The following ACOX3 variants were observed in gnomAD, a reference collection of about 807,000 sequenced individuals.
The protein encoded by ACOX3 is peroxisomal acyl-coenzyme A oxidase 3.
In ACOX3, 73 loss-of-function variants were observed where a neutral mutation model predicts 81.5. That is an observed-to-expected ratio of 0.90 (90% confidence interval 0.74 to 1.09). The LOEUF (loss-of-function observed/expected upper bound fraction) is 1.09. Among genes scored for constraint, ACOX3 ranks in the 50% least tolerant of loss-of-function variants. The probability of loss-of-function intolerance (pLI) is 0.00; values close to 1 mark genes in which losing one functional copy is unlikely to be tolerated. For synonymous variants in ACOX3, 387 were observed against 375.1 expected (o/e 1.03, Z -0.37); for missense variants, 947 against 928.0 (o/e 1.02, Z -0.27).
intron 10 of ACOX3, among the ~76,000 whole-genome samples, chr4:8,393,552 T>C (rs565701006): frequency 5.0e-4 from 74 of 148,344 alleles, no homozygotes; most frequent in African/African-American, 1.9e-3. Context: ...AAAGAAGAAT[T>C]TTTAATTTTA....
chr4:8,402,218 GC>G (rs1720448233), intron 7 of ACOX3, among the ~76,000 whole-genome samples: 1 of 152,242 alleles, frequency 6.6e-6, no homozygotes, highest in Admixed American at 6.5e-5. Context: ...CGGGGCTGGA[GC>G]TCCTTAGGGA....
chr4:8,396,155 C>T (rs1404332507), intron 9 of ACOX3, among the ~76,000 whole-genome samples: 1 of 152,132 alleles, frequency 6.6e-6, no homozygotes, highest in Admixed American at 6.5e-5. Flanking sequence ...ACGTGTAGGG[C>T]CAACGCTCTG....
chr4:8,427,334 T>C (rs1341203124), intron 1 of ACOX3, among the ~76,000 whole-genome samples: 1 of 152,206 alleles, frequency 6.6e-6, no homozygotes, highest in African/African-American at 2.4e-5. Context: ...TTCACGATAT[T>C]AAATCTTGCA....
chr4:8,406,039 C>G lies in ACOX3; in HGVS notation c.692G>C (p.Arg231Pro), dbSNP rs567967145. The part of the protein sequence containing the change: ...HGLHPFIVQI[R>P]DPKTLLPMPG... ...CATGGGAAGAAGGGTCTTCGGGTCC[C>G]GGATCTATACAAAGCCACAGAAAGC... Residue 231 changes from arginine (R) to proline (P), a missense_variant, in exon 7 of 18, where the codon CGG (arginine) becomes CCG (proline). By Grantham distance (103) the Arg-to-Pro change is moderately radical. Coordinates refer to ENST00000356406, the MANE Select transcript of ACOX3 (RefSeq NM_003501.3). This position sits in a 1 kb window ranked among gnomAD's most constrained non-coding sequence, Gnocchi z 5.6. 6 of 1,613,950 alleles carry G rather than the reference C, an allele frequency of 3.7e-6. No homozygotes were observed. In the East Asian group the frequency reaches 1.1e-4, roughly 30 times the overall value.
chr4:8,409,891 G>A, intron 6 of ACOX3, among the ~76,000 whole-genome samples: 1 of 151,072 alleles, frequency 6.6e-6, no homozygotes, highest in East Asian at 1.9e-4. Context: ...ACTGTGGGCG[G>A]GGCTGTAGGA....
intron 16 of ACOX3, among the ~76,000 whole-genome samples, chr4:8,372,374 A>G (rs1238243358): frequency 6.6e-6 from 1 of 152,162 alleles, no homozygotes; most frequent in African/African-American, 2.4e-5. Context: ...TGCTGGGATT[A>G]CAGGAATGAG....
rs776945521 is a variant in ACOX3, at chr4:8,392,457, TG to T, written c.1180-5del. ...GGATCTCACGTCCAAGCTCTGCCTT[TG>T]GGTGAGGGAATCCAACAAGAACAGG... On this transcript the variant is annotated splice_polypyrimidine_tract_variant and splice_region_variant and intron_variant, in intron 10 of 17. Coordinates refer to ENST00000356406, the MANE Select transcript of ACOX3 (RefSeq NM_003501.3). 6.4e-7 allele frequency: 1 copy of T among 1,563,404 alleles called. No individual in the cohort carries two copies. The highest frequency in any genetic ancestry group is 1.2e-5 in the South Asian group (1 of 83,912).
rs762266346 is a variant in ACOX3, at chr4:8,396,989, T to C, written c.1004A>G (p.Gln335Arg). The part of the protein sequence containing the change: ...IALRFSATRR[Q>R]FGPTEEEEIP... ...TTCCTCCTCCTCTGTGGGTCCAAAC[T>C]GACGCCGAGTGGCTGAGAAGCGAAG... is the stretch of plus-strand genomic sequence containing the variant. Residue 335 changes from glutamine to arginine, a missense_variant, in exon 9 of 18, where the codon CAG becomes CGG. Physicochemically the swap from Gln to Arg is conservative, Grantham distance 43. Transcript: ENST00000356406. 6.2e-7 allele frequency: 1 copy of C among 1,611,934 alleles called. No individual in the cohort carries two copies. Among genetic ancestry groups the C allele is most frequent in the Admixed American group, 1.7e-5 (1 of 59,548 alleles).
intron 8 of ACOX3, among the ~76,000 whole-genome samples, chr4:8,397,641 GCGGCGT>G (rs1719867298): frequency 6.6e-6 from 1 of 152,328 alleles, no homozygotes; most frequent in Admixed American, 6.5e-5. Context: ...GCACGCATCA[GCGGCGT>G]CAGCAGAGGC....
chr4:8,399,887 C>A lies in ACOX3; in HGVS notation c.777-235G>T, dbSNP rs575638441. The stretch of plus-strand genomic sequence containing the variant: ...GACTGAGGCAGGAGGATTGCTTGAG[C>A]CCAGGAGTTTGAGACCAGCCTGGGC... On this transcript the variant is annotated intron_variant, in intron 7 of 17. Coordinates refer to ENST00000356406, the MANE Select transcript of ACOX3 (RefSeq NM_003501.3). This position sits in a 1 kb window ranked among gnomAD's most constrained non-coding sequence, Gnocchi z 4.9. 6.6e-6 allele frequency among the ~76,000 whole-genome samples: 1 copy of A among 152,254 alleles called. No individual in the cohort carries two copies. Among genetic ancestry groups the A allele is most frequent in the South Asian group, 2.1e-4 (1 of 4,812 alleles).
rs1355998456 is a variant in ACOX3, at chr4:8,370,421, C to A, written c.1983+487G>T. On this transcript the variant is annotated intron_variant, in intron 17 of 17. Coordinates refer to ENST00000356406, the MANE Select transcript of ACOX3 (RefSeq NM_003501.3). This position sits in a 1 kb window ranked among gnomAD's most constrained non-coding sequence, Gnocchi z 6.3. ...GGGCAGGAGGAGAGCTGAGGAGCCA[C>A]AGGGAGGCGGTTGGGGGAAAGCGGG... Among the ~76,000 whole-genome samples the A allele has an allele frequency of 2.0e-5, 3 of 151,732 alleles. No individual in the cohort carries two copies. The highest frequency in any genetic ancestry group is 4.8e-5 in the African/African-American group (2 of 41,376).
downstream of ACOX3, among the ~76,000 whole-genome samples, chr4:8,365,365 G>A (rs547063092): frequency 1.2e-4 from 18 of 152,258 alleles, no homozygotes; most frequent in Non-Finnish European, 2.4e-4. Flanking sequence ...CGAAGAGTTT[G>A]TTTAAACCCA....
At chr4:8,373,182 G>A (rs934530529) in intron 16 of ACOX3, among the ~76,000 whole-genome samples, 3 of 152,180 alleles carry the variant, frequency 2.0e-5, no homozygotes, top group African/African-American at 7.2e-5. Context: ...TGTGTGAGAG[G>A]GCCTGGGTGT....
In ACOX3 at chr4:8,399,346, C is replaced by T. The variant is rs1167283246; in HGVS notation, c.873+210G>A. Among the ~76,000 whole-genome samples the T allele has an allele frequency of 1.3e-5, 2 of 152,196 alleles. 1 individual carries two copies. Among genetic ancestry groups the T allele is most frequent in the African/African-American group, 4.8e-5 (2 of 41,442 alleles). On this transcript the variant is annotated intron_variant, in intron 8 of 17. Transcript: ENST00000356406. This position sits in a 1 kb window ranked among gnomAD's most constrained non-coding sequence, Gnocchi z 4.9. ...GGGCATTGTAAGGCCCGGACTCACC[C>T]CCTGGACACCAGCACCTGGTGCTGT...
chr4:8,376,380 T>C (rs570245135), intron 14 of ACOX3, among the ~76,000 whole-genome samples: 1 of 149,996 alleles, frequency 6.7e-6, no homozygotes, highest in African/African-American at 2.5e-5. Context: ...AGTGATGAAA[T>C]ATGGTGTATG....
intron 1 of ACOX3, among the ~76,000 whole-genome samples, chr4:8,425,515 G>A (rs1335918461): frequency 6.6e-6 from 1 of 151,326 alleles, no homozygotes; most frequent in African/African-American, 2.4e-5. Context: ...ATTATTAACT[G>A]GATCAGGACT....
intron 11 of ACOX3, among the ~76,000 whole-genome samples, chr4:8,390,726 C>G (rs971829322): frequency 1.3e-5 from 2 of 152,202 alleles, no homozygotes; most frequent in African/African-American, 2.4e-5. Context: ...GGGAGTGGAG[C>G]TGACTTCTCA....
chr4:8,415,754 C>A lies in ACOX3; in HGVS notation c.378+12G>T, dbSNP rs552513529. 6.2e-7 allele frequency: 1 copy of A among 1,611,922 alleles called. No individual in the cohort carries two copies. The highest frequency in any genetic ancestry group is 1.3e-5 in the African/African-American group (1 of 75,016). On this transcript the variant is annotated intron_variant, in intron 3 of 17. Coordinates refer to ENST00000356406, the MANE Select transcript of ACOX3 (RefSeq NM_003501.3). Reference sequence around the variant, plus strand: ...GAAAGCCGTTTCCCTCTCCCCTAGGCCGCATGCTCACCAAGCTATGGAGGA... The same window carrying A: ...GAAAGCCGTTTCCCTCTCCCCTAGGACGCATGCTCACCAAGCTATGGAGGA...
chr4:8,404,435 CTTT>C (rs370622347), intron 7 of ACOX3, among the ~76,000 whole-genome samples: 19 of 125,332 alleles, frequency 1.5e-4, no homozygotes, highest in Admixed American at 3.2e-4. Context: ...TCTTGTTTTG[CTTT>C]TTTTTTTTTT....
Sources: gnomAD v4.1 joint callset for allele counts (sites outside exome capture counted in the v4.1 genomes callset) on GRCh38, gnomAD v4.1.1 for gene constraint, Gnocchi (gnomAD v3.1) non-coding constraint, MANE v1.5 for transcripts, NCBI Gene and HGNC (gene_info 2026-07-23, HGNC 2026-07-21) for gene names.